The following BOLA3 variants were observed in gnomAD, a reference collection of about 807,000 sequenced individuals.
The protein encoded by BOLA3 is bolA-like protein 3.
A neutral mutation model predicts 14.5 loss-of-function variants in BOLA3; 8 were observed. The ratio of observed to expected loss-of-function variants is 0.55; its 90% CI spans 0.32 to 0.99. The LOEUF (loss-of-function observed/expected upper bound fraction) is 0.99, where lower values mean the gene tolerates loss of function less well. BOLA3 is among the 50% of genes least tolerant of loss of function. The pLI is 0.04. For synonymous variants in BOLA3, 42 were observed against 45.7 expected (o/e 0.92, Z 0.33); for missense variants, 115 against 138.2 (o/e 0.83, Z 0.84).
In BOLA3 at chr2:74,135,461, C is replaced by T; in HGVS notation, c.*132G>A. ...ATTAACATCTAAATAGATTATACAT[C>T]TTCTATAATTATAATATGGAAATGT... On this transcript the variant is annotated 3_prime_UTR_variant, in exon 4 of 4. Coordinates refer to ENST00000327428, the MANE Select transcript of BOLA3 (RefSeq NM_212552.3). 1.5e-6 allele frequency: 2 copies of T among 1,302,826 alleles called. No individual in the cohort carries two copies. The highest frequency in any genetic ancestry group is 2.2e-6 in the Non-Finnish European group (2 of 905,660). The allele number at this position is 1,302,826 out of a possible 1,614,324, so 80.7% of individuals were successfully genotyped here.
intron 3 of BOLA3, among the ~76,000 whole-genome samples, chr2:74,138,561 G>A (rs950010084): frequency 1.1e-4 from 16 of 152,240 alleles, no homozygotes; most frequent in African/African-American, 3.9e-4. Flanking sequence ...GAGAGGCTGG[G>A]AAGCTCCCGT....
At chr2:74,147,714 C>T in intron 1 of BOLA3, 107 bp downstream of exon 1, 3 of 1,081,482 alleles carry the variant, frequency 2.8e-6, no homozygotes, top group Non-Finnish European at 4.1e-6. Flanking sequence ...GCCAGTGCCG[C>T]GCGCGCCCTC....
intron 3 of BOLA3, 103 bp from the exon 4 acceptor site, chr2:74,135,761 T>C: frequency 1.1e-6 from 1 of 900,978 alleles, no homozygotes; most frequent in South Asian, 1.4e-5. Context: ...GGAGACTTTG[T>C]ATGTGCTTTG....
intron 3 of BOLA3, among the ~76,000 whole-genome samples, chr2:74,137,705 T>G (rs1359197094): frequency 1.3e-5 from 2 of 152,168 alleles, no homozygotes; most frequent in African/African-American, 2.4e-5. Context: ...ATCATGTTCC[T>G]GACTTGCCCT....
chr2:74,137,818 C>T (rs547955322), intron 3 of BOLA3, among the ~76,000 whole-genome samples: 68 of 152,292 alleles, frequency 4.5e-4, no homozygotes, highest in Admixed American at 8.5e-4. Context: ...CTCAACTCTG[C>T]GGACAGGCAG....
At chr2:74,144,005 ATTT>A (rs3045553) in intron 2 of BOLA3, among the ~76,000 whole-genome samples, 6 of 115,576 alleles carry the variant, frequency 5.2e-5, no homozygotes, top group Non-Finnish European at 7.0e-5. Flanking sequence ...GCCCCAGCAG[ATTT>A]TTTTTTTTTT....
intron 1 of BOLA3, chr2:74,147,541 A>C: frequency 2.1e-6 from 1 of 479,332 alleles, no homozygotes; most frequent in Non-Finnish European, 3.7e-6. Flanking sequence ...CTGTGCCCGC[A>C]GTATTATGAC....
At chr2:74,135,766 G>T (rs916625730) in intron 3 of BOLA3, 108 bp from the exon 4 acceptor site, 24 of 862,096 alleles carry the variant, frequency 2.8e-5, no homozygotes, top group Non-Finnish European at 3.8e-5. Flanking sequence ...CTTTGTATGT[G>T]CTTTGTTTAA....
chr2:74,145,850 T>G (rs531701905), intron 1 of BOLA3: 1 of 158,626 alleles, frequency 6.3e-6, no homozygotes, highest in Non-Finnish European at 1.4e-5. Flanking sequence ...TAGCCAGCTA[T>G]CCTTCATCAT....
chr2:74,139,948 G>A (rs1185122665), intron 3 of BOLA3, among the ~76,000 whole-genome samples: 1 of 152,104 alleles, frequency 6.6e-6, no homozygotes, highest in African/African-American at 2.4e-5. Context: ...AGACCAGCCT[G>A]GGCAGCATAG....
At chr2:74,145,361 G>T in intron 1 of BOLA3, 58 bp from the exon 2 acceptor site, 4 of 1,072,566 alleles carry the variant, frequency 3.7e-6, no homozygotes, top group Non-Finnish European at 5.8e-6. Flanking sequence ...CCCCTGAGCT[G>T]GGCCACTGTG....
At chr2:74,145,704 C>A in intron 1 of BOLA3, 4 of 306,136 alleles carry the variant, frequency 1.3e-5, no homozygotes, top group Non-Finnish European at 1.3e-5. Flanking sequence ...GCTGGATAGC[C>A]TGCCTCAGAT....
chr2:74,139,656 A>G (rs1472095856), intron 3 of BOLA3, among the ~76,000 whole-genome samples: 2 of 152,198 alleles, frequency 1.3e-5, no homozygotes, highest in African/African-American at 4.8e-5. Context: ...TAAATCATCT[A>G]AAATTGCCTA....
At chr2:74,147,383 C>T in intron 1 of BOLA3, 1 of 248,536 alleles carries the variant, frequency 4.0e-6, no homozygotes, top group Non-Finnish European at 7.8e-6. Context: ...GGTTCTGCTC[C>T]GGTAGTGTGG....
intron 3 of BOLA3, among the ~76,000 whole-genome samples, 197 bp downstream of exon 3, chr2:74,142,075 A>C (rs750950202): frequency 6.6e-6 from 1 of 152,268 alleles, no homozygotes; most frequent in African/African-American, 2.4e-5. Flanking sequence ...GCCTGTCTTC[A>C]ATTTTGAATA....
At chr2:74,135,801 C>A in intron 3 of BOLA3, 143 bp from the exon 4 acceptor site, 1 of 680,204 alleles carries the variant, frequency 1.5e-6, no homozygotes, top group Non-Finnish European at 2.6e-6. Context: ...TTTTGAAAAA[C>A]AATTTTTTTT....
intron 2 of BOLA3, among the ~76,000 whole-genome samples, chr2:74,143,612 G>A (rs1692487523): frequency 6.6e-6 from 1 of 152,164 alleles, no homozygotes; most frequent in South Asian, 2.1e-4. Context: ...GCAAGTTCAG[G>A]ACCTGGTAAC....
At chr2:74,137,067 T>A (rs1291698392) in intron 3 of BOLA3, among the ~76,000 whole-genome samples, 1 of 152,258 alleles carries the variant, frequency 6.6e-6, no homozygotes, top group African/African-American at 2.4e-5. Context: ...AGTGGACATT[T>A]TTCTTTTCTA....
rs149964046 is a variant in BOLA3 at position 74,142,274 on chromosome 2, G to C, written c.256C>G (p.Gln86Glu). 1.7e-4 allele frequency: 267 copies of C among 1,611,984 alleles called. No individual in the cohort carries two copies. Among genetic ancestry groups the C allele is most frequent in the Non-Finnish European group, 2.1e-4 (248 of 1,178,516 alleles). The change falls in exon 3 of 4, where the codon CAG becomes GAG. Residue 86 changes from glutamine (Q) to glutamate (E), a missense_variant and splice_region_variant. Coordinates refer to ENST00000327428, the MANE Select transcript of BOLA3 (RefSeq NM_212552.3). ...GGGGCACTGTTGCCTCTACTGACCTGATTAACCATCTGGTGCTGCTGGACA... is the reference window on the plus strand; with the variant it reads ...GGGGCACTGTTGCCTCTACTGACCTCATTAACCATCTGGTGCTGCTGGACA... The part of the protein sequence containing the change: ...RTVQQHQMVN[Q>E]ALKEEIKEMH...
Sources: gnomAD v4.1 joint callset for allele counts (sites outside exome capture counted in the v4.1 genomes callset) on GRCh38, gnomAD v4.1.1 for gene constraint, MANE v1.5 for transcripts, NCBI Gene and HGNC (gene_info 2026-07-23, HGNC 2026-07-21) for gene names.